Variants in UBOX5 observed in about 807,000 individuals in gnomAD.
UBOX5 encodes RING finger protein 37.
In UBOX5, 28 loss-of-function variants were observed where a neutral mutation model predicts 39.0. That is an observed-to-expected ratio of 0.72 (90% CI 0.53 to 0.98). The LOEUF is 0.98. UBOX5 is among the 50% of genes least tolerant of loss of function. UBOX5 has a pLI of 0.00. For missense variants in UBOX5, 585 were observed against 674.4 expected (o/e 0.87, Z 1.47); for synonymous variants, 283 against 275.5 (o/e 1.03, Z -0.27).
chr20:3,133,148 T>G (rs1411236003), intron 1 of UBOX5, among the ~76,000 whole-genome samples: 1 of 152,146 alleles, frequency 6.6e-6, no homozygotes, highest in Non-Finnish European at 1.5e-5. Flanking sequence ...AACAGTGATG[T>G]CCAAACAGTA....
In UBOX5 at chr20:3,149,324, T is replaced by C. The variant is rs995143605; in HGVS notation, c.-42+10442A>G. ...TATAAAAGCATCCAAATTTACACAT[T>C]ATAAAAAACAGGTTGAAACTACACT... On this transcript the variant is annotated intron_variant, in intron 1 of 4. Coordinates refer to ENST00000217173, the MANE Select transcript of UBOX5 (RefSeq NM_014948.4). The surrounding 1 kb of genome is among the most constrained non-coding windows in gnomAD (Gnocchi z 4.1). 4 of 484,946 alleles carry C rather than the reference T, an allele frequency of 8.2e-6. No homozygotes were observed. Among genetic ancestry groups the C allele is most frequent in the African/African-American group, 7.7e-5 (4 of 51,974 alleles). 30.0% of individuals were successfully genotyped at this position (484,946 alleles called of 1,614,324 possible).
intron 1 of UBOX5, chr20:3,150,439 C>G (rs1019590605): frequency 4.6e-5 from 7 of 152,164 alleles, no homozygotes; most frequent in African/African-American, 1.7e-4. Flanking sequence ...CAGTATAATG[C>G]CCATTTTTCT....
intron 1 of UBOX5, among the ~76,000 whole-genome samples, chr20:3,146,212 G>A (rs1009507213): frequency 6.6e-6 from 1 of 151,958 alleles, no homozygotes; most frequent in Non-Finnish European, 1.5e-5. Context: ...GTAGTGATAC[G>A]CGCCTGTAGT....
chr20:3,149,849 C>T lies in UBOX5; in HGVS notation c.-42+9917G>A, dbSNP rs2148622276. On this transcript the variant is annotated intron_variant, in intron 1 of 4. Transcript: ENST00000217173. This position sits in a 1 kb window ranked among gnomAD's most constrained non-coding sequence, Gnocchi z 4.1. ...CCTGGCCAACAAGGCGAAATCCCGT[C>T]TCTATTAAAAATACAAAAAATTACC... Among the ~76,000 whole-genome samples, 1 of 152,162 alleles carries T rather than the reference C, an allele frequency of 6.6e-6. No individual in the cohort carries two copies. Among genetic ancestry groups the T allele is most frequent in the Admixed American group, 6.5e-5 (1 of 15,278 alleles).
chr20:3,112,948 A>G (rs1006120234), intron 4 of UBOX5, among the ~76,000 whole-genome samples: 1 of 151,820 alleles, frequency 6.6e-6, no homozygotes, highest in East Asian at 1.9e-4. Flanking sequence ...CCTGGGCGAC[A>G]GAGCGAGACT....
chr20:3,118,729 G>A lies in UBOX5; in HGVS notation c.1255+2655C>T, dbSNP rs531664103. Among the ~76,000 whole-genome samples the A allele has an allele frequency of 3.2e-4, 49 of 151,744 alleles. 1 individual carries two copies. In the South Asian group the frequency reaches 9.2e-3, roughly 28 times the overall value. ...GGAGCTGGCAGTGAGCCAAGATCGCGCCACTGCACTCCAGCCTGGGCGACA... is the reference window on the plus strand; with the variant it reads ...GGAGCTGGCAGTGAGCCAAGATCGCACCACTGCACTCCAGCCTGGGCGACA... On this transcript the variant is annotated intron_variant, in intron 3 of 4. Transcript: ENST00000217173.
chr20:3,146,650 T>C, intron 1 of UBOX5: 4 of 1,130,410 alleles, frequency 3.5e-6, no homozygotes, highest in Non-Finnish European at 5.1e-6. Flanking sequence ...CTGCCTTGGA[T>C]ACAATTAAGT....
At chr20:3,138,044 G>T (rs2422854) in intron 1 of UBOX5, among the ~76,000 whole-genome samples, 57,691 of 152,132 alleles carry the variant, frequency 0.38, 12,645 homozygotes, top group East Asian at 0.55. Flanking sequence ...AGGCCAAAGT[G>T]GGCAGATCAC....
chr20:3,148,533 C>T (rs754540514), intron 1 of UBOX5: 12 of 1,614,050 alleles, frequency 7.4e-6, no homozygotes, highest in South Asian at 1.1e-5. Context: ...CCCAGCAAGA[C>T]AGGATGCTGC....
chr20:3,124,535 C>T (rs562498559), intron 1 of UBOX5, among the ~76,000 whole-genome samples: 152 of 152,320 alleles, frequency 1.0e-3, no homozygotes, highest in African/African-American at 3.4e-3. Context: ...AGCCTCTGCC[C>T]GGCCGCCACC....
At chr20:3,134,842 G>A (rs563901321) in intron 1 of UBOX5, among the ~76,000 whole-genome samples, 45 of 151,586 alleles carry the variant, frequency 3.0e-4, no homozygotes, top group African/African-American at 1.0e-3. Context: ...TCCAGCCTGG[G>A]CAACAAGAGC....
chr20:3,148,423 TAAAATGAC>T, intron 1 of UBOX5: 1 of 1,614,148 alleles, frequency 6.2e-7, no homozygotes, highest in Non-Finnish European at 8.5e-7. Flanking sequence ...GAGGGATTCC[TAAAATGAC>T]AAAAGCTTTC....
intron 1 of UBOX5, among the ~76,000 whole-genome samples, chr20:3,126,669 AAGAG>A (rs376942208): frequency 1.3e-5 from 2 of 151,004 alleles, no homozygotes; most frequent in South Asian, 2.1e-4. Context: ...AGAAGGAGGG[AAGAG>A]AGAGAGGGAG....
chr20:3,134,435 A>T (rs546860733), intron 1 of UBOX5, among the ~76,000 whole-genome samples: 1 of 152,244 alleles, frequency 6.6e-6, no homozygotes, highest in African/African-American at 2.4e-5. Context: ...GAGACAATAA[A>T]GACTTCTTTC....
chr20:3,143,283 A>G (rs2066533493), intron 1 of UBOX5, among the ~76,000 whole-genome samples: 1 of 151,540 alleles, frequency 6.6e-6, no homozygotes, highest in African/African-American at 2.4e-5. Flanking sequence ...TTGCATTTTT[A>G]GTAGAGACAG....
chr20:3,115,406 AG>A lies in UBOX5; in HGVS notation c.1315del (p.Gly440AlafsTer10). On this transcript the variant is annotated frameshift_variant, in exon 4 of 5. Coordinates refer to ENST00000217173, the MANE Select transcript of UBOX5 (RefSeq NM_014948.4). LOFTEE classifies it high-confidence loss of function. ...TGCCGTGAAGGAGGGCATAGAGCCA[AG>A]GGTGGATGCCAAGGCAATTTCCAAG... ...QSLEIALASTLGSMPSFTARL... is the reference protein window; with the variant it reads ...QSLEIALASTXGSMPSFTARL... The A allele has an allele frequency of 6.2e-7, 1 of 1,614,178 alleles. No homozygotes were observed. The highest frequency in any genetic ancestry group is 8.5e-7 in the Non-Finnish European group (1 of 1,180,016).
intron 1 of UBOX5, 75 bp downstream of exon 1, chr20:3,159,691 A>T (rs2066726293): frequency 6.6e-6 from 1 of 152,314 alleles, no homozygotes; most frequent in Non-Finnish European, 1.5e-5. Context: ...GACAGGAGGC[A>T]CAGGCCAAGG....
chr20:3,113,334 G>C (rs2066269231), intron 4 of UBOX5, among the ~76,000 whole-genome samples: 1 of 151,770 alleles, frequency 6.6e-6, no homozygotes, highest in African/African-American at 2.4e-5. Flanking sequence ...GTGAGAGTGG[G>C]CTTCAGATAA....
At chr20:3,131,143 C>T (rs113707673) in intron 1 of UBOX5, among the ~76,000 whole-genome samples, 2,596 of 151,828 alleles carry the variant, frequency 0.017, 66 homozygotes, top group African/African-American at 0.059. Flanking sequence ...GCAGAAGAAT[C>T]GCTTGAACCT....
Sources: gnomAD v4.1 joint callset for allele counts (sites outside exome capture counted in the v4.1 genomes callset) on GRCh38, gnomAD v4.1.1 for gene constraint, Gnocchi (gnomAD v3.1) non-coding constraint, MANE v1.5 for transcripts, NCBI Gene and HGNC (gene_info 2026-07-23, HGNC 2026-07-21) for gene names.